The following DTNA variants were observed in gnomAD, a reference collection of about 807,000 sequenced individuals.
DTNA encodes dystrophin-related protein 3.
A neutral mutation model predicts 100.7 loss-of-function variants in DTNA; 43 were observed. The observed-to-expected ratio is 0.43, with a 90% CI of 0.33 to 0.55. DTNA has a LOEUF of 0.55. DTNA is among the 20% of genes least tolerant of loss of function. The probability of loss-of-function intolerance (pLI) is 0.04; values close to 1 mark genes in which losing one functional copy is unlikely to be tolerated. For missense variants in DTNA, 798 were observed against 953.9 expected (o/e 0.84, Z 2.15); for synonymous variants, 349 against 347.9 (o/e 1.00, Z -0.04).
chr18:34,576,237 A>G (rs1403568662), intron 1 of DTNA, among the ~76,000 whole-genome samples: 1 of 152,176 alleles, frequency 6.6e-6, no homozygotes, highest in Non-Finnish European at 1.5e-5. Context: ...GTGTCACACA[A>G]GTGACTGCCA....
intron 1 of DTNA, among the ~76,000 whole-genome samples, chr18:34,640,526 T>A (rs1243863933): frequency 1.3e-5 from 2 of 152,226 alleles, no homozygotes; most frequent in African/African-American, 2.4e-5. Flanking sequence ...ATCACAGACA[T>A]TCATTCGTTC....
chr18:34,533,435 T>C (rs763431721), intron 1 of DTNA, among the ~76,000 whole-genome samples: 14 of 151,196 alleles, frequency 9.3e-5, no homozygotes, highest in Non-Finnish European at 2.1e-4. Context: ...ATGGCCCCAG[T>C]GTCTGATGTC....
intron 1 of DTNA, among the ~76,000 whole-genome samples, chr18:34,567,742 A>G (rs2047209718): frequency 6.6e-6 from 1 of 152,166 alleles, no homozygotes; most frequent in African/African-American, 2.4e-5. Context: ...AATAACTCCA[A>G]GACTTCAGCA....
intron 1 of DTNA, among the ~76,000 whole-genome samples, chr18:34,683,017 C>A (rs2078348145): frequency 6.6e-6 from 1 of 152,044 alleles, no homozygotes; most frequent in Non-Finnish European, 1.5e-5. Context: ...TTTAAAATAT[C>A]CACATTTCAC....
intron 1 of DTNA, among the ~76,000 whole-genome samples, chr18:34,559,002 G>GTT (rs1458006460): frequency 6.6e-6 from 1 of 152,178 alleles, no homozygotes; most frequent in Non-Finnish European, 1.5e-5. Context: ...TTGATTAAGA[G>GTT]TACTGTCCAT....
rs111590603 is a variant in DTNA at position 34,611,349 on chromosome 18, A to G, written c.-2+117835A>G. Among the ~76,000 whole-genome samples, 306 of 152,308 alleles carry G rather than the reference A, an allele frequency of 2.0e-3. 5 individuals are homozygous for G. The highest frequency in any genetic ancestry group is 7.0e-3 in the African/African-American group (292 of 41,574). On this transcript the variant is annotated intron_variant, in intron 1 of 19. Transcript: ENST00000283365. ...TTTTTAGACAGGTTCATTCACCTGT[A>G]ATGAAAATTTAACAGGTAGAGAGTG...
upstream of DTNA, among the ~76,000 whole-genome samples, chr18:34,707,008 A>G (rs2082202045): frequency 6.6e-6 from 1 of 152,216 alleles, no homozygotes; most frequent in South Asian, 2.1e-4. Flanking sequence ...AAAAATAAAT[A>G]ATAATTTTTA....
intron 3 of DTNA, among the ~76,000 whole-genome samples, chr18:34,781,634 T>C (rs954982598): frequency 6.6e-6 from 1 of 152,102 alleles, no homozygotes; most frequent in Admixed American, 6.5e-5. Context: ...CAAATTCTAG[T>C]CCTATTTCCC....
chr18:34,533,764 ATATCT>A (rs543408076), intron 1 of DTNA, among the ~76,000 whole-genome samples: 23 of 152,272 alleles, frequency 1.5e-4, no homozygotes, highest in African/African-American at 5.5e-4. Flanking sequence ...CTGTATGTAA[ATATCT>A]TATCCTGTTC....
chr18:34,826,647 A>G (rs2095864666), intron 9 of DTNA, among the ~76,000 whole-genome samples: 1 of 152,176 alleles, frequency 6.6e-6, no homozygotes, highest in Non-Finnish European at 1.5e-5. Context: ...TGTCAAACTC[A>G]AATATAGAAT....
Position 34,771,519 on chromosome 18 carries a change from T to C in DTNA, c.148+5478T>C, listed in dbSNP as rs12958781. On this transcript the variant is annotated intron_variant, in intron 3 of 22. Coordinates refer to ENST00000444659, the MANE Select transcript of DTNA (RefSeq NM_001386795.1). ...CTTCTCAAAAACAAAAACACACTTG[T>C]AAAAAACCCATCTTCTTTTTGAGTC... 9.0e-3 allele frequency among the ~76,000 whole-genome samples: 1,370 copies of C among 152,174 alleles called. 10 individuals carry two copies. The highest frequency in any genetic ancestry group is 0.014 in the Non-Finnish European group (984 of 68,002).
chr18:34,666,754 G>A (rs2075988702), intron 1 of DTNA, among the ~76,000 whole-genome samples: 2 of 152,034 alleles, frequency 1.3e-5, no homozygotes, highest in African/African-American at 4.8e-5. Context: ...TTATTTCTGA[G>A]GCCTCTGTTC....
chr18:34,493,994 T>A (rs900706823), intron 1 of DTNA: 2 of 148,836 alleles, frequency 1.3e-5, no homozygotes, highest in African/African-American at 2.4e-5. Flanking sequence ...CTGCAGGATG[T>A]CCGGCCCGGG....
intron 1 of DTNA, among the ~76,000 whole-genome samples, chr18:34,587,360 T>C (rs1172880074): frequency 6.7e-6 from 1 of 149,844 alleles, no homozygotes; most frequent in South Asian, 2.1e-4. Flanking sequence ...TGAAAAAATA[T>C]GTTTCCTTAG....
intron 1 of DTNA, among the ~76,000 whole-genome samples, chr18:34,710,679 T>TGTGG (rs1307164605): frequency 7.0e-6 from 1 of 142,628 alleles, no homozygotes; most frequent in African/African-American, 2.9e-5. Flanking sequence ...TGTGGGAGTG[T>TGTGG]GTGTGTGTGT....
chr18:34,528,803 T>G (rs1429247597), intron 1 of DTNA, among the ~76,000 whole-genome samples: 2 of 152,166 alleles, frequency 1.3e-5, no homozygotes, highest in African/African-American at 4.8e-5. Flanking sequence ...TGACTTGAAC[T>G]TAAACTTACA....
chr18:34,521,186 G>A (rs962414720), intron 1 of DTNA, among the ~76,000 whole-genome samples: 3 of 152,072 alleles, frequency 2.0e-5, no homozygotes, highest in African/African-American at 7.2e-5. Context: ...TATGTTTCCA[G>A]CAGTCATCAA....
rs112764403 is a variant in DTNA at position 34,776,987 on chromosome 18, G to A, written c.148+10946G>A. Among the ~76,000 whole-genome samples the A allele has an allele frequency of 6.6e-3, 1,000 of 152,240 alleles. 16 individuals carry two copies. Among genetic ancestry groups the A allele is most frequent in the African/African-American group, 0.023 (938 of 41,528 alleles). ...AGCGAACTCAATGGCGGACCTCCTCGTCTTTCTCAATTCTTTGCTCACTTG... is the reference window on the plus strand; with the variant it reads ...AGCGAACTCAATGGCGGACCTCCTCATCTTTCTCAATTCTTTGCTCACTTG... On this transcript the variant is annotated intron_variant, in intron 3 of 22. Transcript: ENST00000444659.
intron 1 of DTNA, among the ~76,000 whole-genome samples, chr18:34,586,093 T>C (rs924104081): frequency 2.0e-5 from 3 of 152,228 alleles, no homozygotes; most frequent in African/African-American, 7.2e-5. Flanking sequence ...GCTTTGTCAT[T>C]GTTATGTTTC....
Sources: allele counts gnomAD v4.1 joint callset (sites outside exome capture counted in the v4.1 genomes callset), GRCh38; gene constraint gnomAD v4.1.1; transcripts MANE v1.5; gene names NCBI Gene and HGNC (gene_info 2026-07-23, HGNC 2026-07-21).